The following CALN1 variants were observed in gnomAD, a reference collection of about 807,000 sequenced individuals.
CALN1 encodes calcium-binding protein 8.
In CALN1, 17 loss-of-function variants were observed where a neutral mutation model predicts 30.6. The ratio of observed to expected loss-of-function variants is 0.56; its 90% CI spans 0.38 to 0.83. The LOEUF (loss-of-function observed/expected upper bound fraction) is 0.83. CALN1 is among the 40% of genes least tolerant of loss of function. CALN1 has a pLI of 0.00. For missense variants in CALN1, 291 were observed against 354.9 expected, an observed-to-expected ratio of 0.82 and a Z score of 1.45; for synonymous variants, 156 against 131.4, an observed-to-expected ratio of 1.19 and a Z score of -1.28.
chr7:72,484,477 C>T, the CALN1 span, among the ~76,000 whole-genome samples: 4 of 152,140 alleles, frequency 2.6e-5, no homozygotes, highest in Non-Finnish European at 5.9e-5. Flanking sequence ...CCCAGTCCTG[C>T]GTGTCAAGCA....
At chr7:72,304,733 C>T (rs892495051) in intron 2 of CALN1, among the ~76,000 whole-genome samples, 9 of 152,052 alleles carry the variant, frequency 5.9e-5, no homozygotes, top group Non-Finnish European at 1.3e-4. Flanking sequence ...AATATAATTA[C>T]CTGGCCTACC....
chr7:71,938,658 G>T lies in CALN1; in HGVS notation c.501+84999C>A, dbSNP rs935392708. On this transcript the variant is annotated intron_variant, in intron 5 of 6. Coordinates refer to ENST00000395275, the MANE Select transcript of CALN1 (RefSeq NM_031468.4). ...AAAAATACAAAAATTAGCTGGGCGT[G>T]GTGGCAGGCACCTATAGTCACAGCT... Among the ~76,000 whole-genome samples the T allele has an allele frequency of 1.3e-5, 2 of 152,224 alleles. 1 individual carries two copies. The highest frequency in any genetic ancestry group is 4.8e-5 in the African/African-American group (2 of 41,546).
intron 3 of CALN1, among the ~76,000 whole-genome samples, chr7:72,176,409 T>C (rs754538495): frequency 2.0e-5 from 3 of 152,170 alleles, no homozygotes; most frequent in Non-Finnish European, 4.4e-5. Context: ...TGATTCCCAG[T>C]GTTGGAGGTG....
intron 3 of CALN1, among the ~76,000 whole-genome samples, chr7:72,214,116 A>C (rs1792602156): frequency 6.6e-6 from 1 of 152,218 alleles, no homozygotes; most frequent in Admixed American, 6.5e-5. Context: ...AATGATGCAC[A>C]AACAGTTTGG....
chr7:71,800,496 C>T (rs935990166), intron 6 of CALN1, among the ~76,000 whole-genome samples: 5 of 152,140 alleles, frequency 3.3e-5, no homozygotes, highest in Admixed American at 2.0e-4. Context: ...TTGCCTCTCC[C>T]GTGCCGGTTG....
chr7:72,279,637 G>A (rs1321842991), intron 2 of CALN1, among the ~76,000 whole-genome samples: 1 of 152,220 alleles, frequency 6.6e-6, no homozygotes, highest in African/African-American at 2.4e-5. Flanking sequence ...GGAAAAAAGA[G>A]ATGTGAGATA....
At chr7:72,249,481 C>T (rs1795404383) in intron 3 of CALN1, among the ~76,000 whole-genome samples, 1 of 150,954 alleles carries the variant, frequency 6.6e-6, no homozygotes, top group Non-Finnish European at 1.5e-5. Flanking sequence ...ACTTTTCCCC[C>T]AGATCTATCC....
intron 3 of CALN1, among the ~76,000 whole-genome samples, chr7:72,175,915 A>G (rs1487006963): frequency 1.3e-5 from 2 of 152,162 alleles, no homozygotes; most frequent in Non-Finnish European, 2.9e-5. Context: ...AGTGGGCCCT[A>G]ATAAGCATAT....
At position 72,405,019 on chromosome 7, in the gene CALN1, C is replaced by G. The variant is rs112035463; in HGVS notation, c.-73-1577G>C. 7.1e-3 allele frequency among the ~76,000 whole-genome samples: 1,078 copies of G among 152,296 alleles called. 10 individuals carry two copies. Among genetic ancestry groups the G allele is most frequent in the African/African-American group, 0.025 (1,028 of 41,570 alleles). On this transcript the variant is annotated intron_variant, in intron 1 of 6. Coordinates refer to ENST00000395275, the MANE Select transcript of CALN1 (RefSeq NM_031468.4). ...AAACCCCCATGGTCTTAGCTCAGAGCTGGACCAGATGGTGTCTGGGTGCCC... is the reference window on the plus strand; with the variant it reads ...AAACCCCCATGGTCTTAGCTCAGAGGTGGACCAGATGGTGTCTGGGTGCCC...
In CALN1 at chr7:72,072,324, C is replaced by T. The variant is rs532338324; in HGVS notation, c.388+33827G>A. On this transcript the variant is annotated intron_variant, in intron 4 of 6. Coordinates refer to ENST00000395275, the MANE Select transcript of CALN1 (RefSeq NM_031468.4). ...ACATGAGTATGAGCAGATTTCTCAC[C>T]AAAAACTTTAGAGGCCAGAAGGCAG... Among the ~76,000 whole-genome samples the T allele has an allele frequency of 1.4e-4, 21 of 152,058 alleles. 1 individual carries two copies. In the South Asian group the frequency reaches 2.5e-3, roughly 18 times the overall value.
intron 2 of CALN1, among the ~76,000 whole-genome samples, chr7:72,359,151 T>C (rs1703602970): frequency 6.6e-6 from 1 of 152,118 alleles, no homozygotes. Flanking sequence ...CTAGATCTCA[T>C]ACCCTTTATC....
intron 4 of CALN1, among the ~76,000 whole-genome samples, chr7:72,038,106 G>C (rs1013076212): frequency 6.6e-6 from 1 of 152,124 alleles, no homozygotes; most frequent in Admixed American, 6.5e-5. Flanking sequence ...CAGAACCACT[G>C]ATCAGTGGTC....
At chr7:71,925,303 AAAG>A (rs1795207437) in intron 5 of CALN1, among the ~76,000 whole-genome samples, 1 of 151,908 alleles carries the variant, frequency 6.6e-6, no homozygotes. Context: ...AAAAGAAAAG[AAAG>A]AAGAAAGATT....
At chr7:72,146,353 G>T (rs188352784) in intron 3 of CALN1, among the ~76,000 whole-genome samples, 9 of 152,116 alleles carry the variant, frequency 5.9e-5, no homozygotes, top group South Asian at 2.1e-4. Context: ...AATCATGAGT[G>T]AACTCCCATT....
chr7:71,971,957 G>A (rs7811351), intron 5 of CALN1, among the ~76,000 whole-genome samples: 832 of 52,500 alleles, frequency 0.016, 1 homozygote, highest in Middle Eastern at 0.034. Context: ...AAAAAAAAAA[G>A]AAAGAAAGAA....
intron 3 of CALN1, among the ~76,000 whole-genome samples, chr7:72,191,813 G>T (rs961705406): frequency 1.3e-5 from 2 of 152,118 alleles, no homozygotes; most frequent in Non-Finnish European, 2.9e-5. Flanking sequence ...TTTTCTAGAA[G>T]TTGAAGTCTG....
At chr7:72,501,928 A>AAAAATATATATAT in the CALN1 span, among the ~76,000 whole-genome samples, 1 of 57,968 alleles carries the variant, frequency 1.7e-5, no homozygotes, top group African/African-American at 9.9e-5. Flanking sequence ...AAAAAAAAAA[A>AAAAATATATATAT]ATATATATAT....
chr7:72,112,014 G>A (rs1247400408), intron 3 of CALN1, among the ~76,000 whole-genome samples: 1 of 152,100 alleles, frequency 6.6e-6, no homozygotes, highest in African/African-American at 2.4e-5. Flanking sequence ...GCTTCCCAAA[G>A]TGCTAGGATA....
At chr7:71,891,099 T>G (rs1584457356) in intron 5 of CALN1, among the ~76,000 whole-genome samples, 1 of 152,278 alleles carries the variant, frequency 6.6e-6, no homozygotes, top group East Asian at 1.9e-4. Flanking sequence ...CTTCTCCTAG[T>G]TATTAAATCT....
Sources: gnomAD v4.1 joint callset for allele counts (sites outside exome capture counted in the v4.1 genomes callset) on GRCh38, gnomAD v4.1.1 for gene constraint, MANE v1.5 for transcripts, NCBI Gene and HGNC (gene_info 2026-07-23, HGNC 2026-07-21) for gene names.